ZUP1: variants seen among roughly 807,000 people sequenced by gnomAD.
ZUP1 encodes the protein zinc finger containing ubiquitin peptidase 1, also known as zinc finger-containing ubiquitin peptidase 1.
Under a neutral mutation model 68.1 loss-of-function variants are expected in ZUP1, and 55 were observed. That is an observed-to-expected ratio of 0.81 (90% CI 0.65 to 1.01). ZUP1 has a LOEUF of 1.01. Among genes scored for constraint, ZUP1 ranks in the 50% least tolerant of loss-of-function variants. The pLI is 0.00. For missense variants in ZUP1, 684 were observed against 674.9 expected (o/e 1.01, Z -0.15); for synonymous variants, 223 against 221.5 (o/e 1.01, Z -0.06).
chr6:116,641,086 CAAA>C (rs555918205), intron 9 of ZUP1, among the ~76,000 whole-genome samples: 4,512 of 148,922 alleles, frequency 0.03, 196 homozygotes, highest in African/African-American at 0.099. Flanking sequence ...TCAAAAGAGA[CAAA>C]GGAGGCCATT....
rs1487773072 is a variant in ZUP1, at chr6:116,666,860, A to G, written c.333T>C (p.Ser111=). The part of the protein sequence containing the change: ...KNSAQNLTKD[S]TLKHEGFYSE... ...AATAGAAGCCTTCATGTTTTAAAGT[A>G]CTATCTTTAGTCAGGTTTTGAGCTG... The change falls in exon 2 of 10, where the codon AGT becomes AGC. Residue 111 remains serine (S), a synonymous_variant. Coordinates refer to ENST00000368576, the MANE Select transcript of ZUP1 (RefSeq NM_145062.3). 3.1e-6 allele frequency: 5 copies of G among 1,610,050 alleles called. No homozygotes were observed. Among genetic ancestry groups the G allele is most frequent in the Non-Finnish European group, 4.2e-6 (5 of 1,178,914 alleles).
At position 116,660,861 on chromosome 6, in the gene ZUP1, TAATTA is replaced by T; in HGVS notation, c.560-20_560-16del. 1 of 1,356,244 alleles carries T rather than the reference TAATTA, an allele frequency of 7.4e-7. No homozygotes were observed. The highest frequency in any genetic ancestry group is 1.9e-4 in the Middle Eastern group (1 of 5,400). 84.0% of individuals were successfully genotyped at this position (1,356,244 alleles called of 1,614,324 possible). On this transcript the variant is annotated splice_polypyrimidine_tract_variant and intron_variant, in intron 2 of 9. Transcript: ENST00000368576. ...TTGATCACAGTCTGTATCAGAGATATAATTAAGTTGTTTTTATTTTTTTATTTTAA... is the reference window on the plus strand; with the variant it reads ...TTGATCACAGTCTGTATCAGAGATATAGTTGTTTTTATTTTTTTATTTTAA...
chr6:116,642,163 A>G (rs555107547), intron 9 of ZUP1, among the ~76,000 whole-genome samples: 40 of 152,226 alleles, frequency 2.6e-4, no homozygotes, highest in Middle Eastern at 3.4e-3. Flanking sequence ...GAATAGACCA[A>G]TAACAGGATC....
At position 116,640,397 on chromosome 6, in the gene ZUP1, A is replaced by T. The variant is rs189865680; in HGVS notation, c.1690-4518T>A. Among the ~76,000 whole-genome samples the T allele has an allele frequency of 6.9e-3, 1,056 of 152,306 alleles. 16 individuals are homozygous for T. Among genetic ancestry groups the T allele is most frequent in the African/African-American group, 0.022 (929 of 41,568 alleles). On this transcript the variant is annotated intron_variant, in intron 9 of 9. Coordinates refer to ENST00000368576, the MANE Select transcript of ZUP1 (RefSeq NM_145062.3). ...AAGACACATAATTGTCAGATTTACCAAAGCTGAAATGAAGGAAAAAATGTT... is the reference window on the plus strand; with the variant it reads ...AAGACACATAATTGTCAGATTTACCTAAGCTGAAATGAAGGAAAAAATGTT...
intron 9 of ZUP1, among the ~76,000 whole-genome samples, chr6:116,640,364 G>A (rs1383164359): frequency 6.6e-6 from 1 of 152,092 alleles, no homozygotes; most frequent in Non-Finnish European, 1.5e-5. Context: ...CTCGAGAAGA[G>A]CAACTCCAAG....
At chr6:116,656,399 T>C (rs967120683) in intron 5 of ZUP1, among the ~76,000 whole-genome samples, 2 of 152,206 alleles carry the variant, frequency 1.3e-5, no homozygotes, top group African/African-American at 2.4e-5. Flanking sequence ...TTCACTTTTG[T>C]TAATGTGGAG....
chr6:116,653,721 T>C (rs1265045154), intron 5 of ZUP1, among the ~76,000 whole-genome samples: 2 of 151,948 alleles, frequency 1.3e-5, no homozygotes, highest in African/African-American at 4.8e-5. Context: ...TAGACTTTGA[T>C]GAAGAGATCA....
Position 116,647,480 on chromosome 6 carries a change from G to T in ZUP1, c.1447C>A (p.Pro483Thr). 1 of 1,570,910 alleles carries T rather than the reference G, an allele frequency of 6.4e-7. No individual in the cohort carries two copies. Reference protein sequence around the residue: ...SPKVVCTSKPPIYLQHQGHSR... With the variant: ...SPKVVCTSKPTIYLQHQGHSR... The stretch of plus-strand genomic sequence containing the variant: ...TAACCTTGATGCTGAAGATAGATAG[G>T]AGGTTTAGATGTACACACTACCTTT... The change falls in exon 8 of 10, where the codon CCT (proline) becomes ACT (threonine). Residue 483 changes from proline (P) to threonine (T), a missense_variant. Physicochemically the swap from Pro to Thr is conservative, Grantham distance 38 (BLOSUM62 -1). Coordinates refer to ENST00000368576, the MANE Select transcript of ZUP1 (RefSeq NM_145062.3).
At chr6:116,660,497 A>T (rs1442565486) in intron 3 of ZUP1, 3 of 393,656 alleles carry the variant, frequency 7.6e-6, no homozygotes, top group African/African-American at 6.2e-5. Flanking sequence ...GTTCACATTC[A>T]TTTGTAAAAT....
At chr6:116,639,068 C>T (rs551194647) in intron 9 of ZUP1, among the ~76,000 whole-genome samples, 2 of 152,210 alleles carry the variant, frequency 1.3e-5, no homozygotes, top group African/African-American at 2.4e-5. Context: ...CCTACGCCCA[C>T]GGAGTCTCCC....
intron 5 of ZUP1, among the ~76,000 whole-genome samples, chr6:116,652,963 G>C (rs781735837): frequency 2.0e-5 from 3 of 151,802 alleles, no homozygotes; most frequent in Non-Finnish European, 2.9e-5. Flanking sequence ...ACATAATTTG[G>C]CCCATAGAGT....
chr6:116,642,697 A>G (rs1429640268), intron 9 of ZUP1, among the ~76,000 whole-genome samples: 1 of 152,186 alleles, frequency 6.6e-6, no homozygotes, highest in Non-Finnish European at 1.5e-5. Flanking sequence ...CAAAATAATA[A>G]GAGCTATCTA....
rs199593243 is a variant in ZUP1, at chr6:116,666,970, T to C, written c.223A>G (p.Asn75Asp). 10 of 1,613,662 alleles carry C rather than the reference T, an allele frequency of 6.2e-6. No homozygotes were observed. The South Asian group carries it at 6.6e-5, about 11-fold the overall frequency. The change falls in exon 2 of 10, where the codon AAC (asparagine) becomes GAC (aspartate). Residue 75 changes from asparagine (N) to aspartate (D), a missense_variant. Coordinates refer to ENST00000368576, the MANE Select transcript of ZUP1 (RefSeq NM_145062.3). ...INTVQYGTSD[N>D]KKDNTLQCGM... ...CACTGTAGGGTGTTGTCTTTCTTGT[T>C]ATCTGAAGTTCCATATTGTACTGTA...
At chr6:116,652,322 C>T in intron 5 of ZUP1, 130 bp from the exon 6 acceptor site, 1 of 703,142 alleles carries the variant, frequency 1.4e-6, no homozygotes, top group South Asian at 2.1e-5. Flanking sequence ...TCACCTTCTT[C>T]TTGCTATAAC....
chr6:116,656,566 T>G, intron 5 of ZUP1, 118 bp downstream of exon 5: 1 of 796,028 alleles, frequency 1.3e-6, no homozygotes, highest in Non-Finnish European at 1.9e-6. Flanking sequence ...AACAATACAT[T>G]TTTAAAAAAA....
chr6:116,644,346 C>T (rs1776219354), intron 9 of ZUP1, among the ~76,000 whole-genome samples: 1 of 152,116 alleles, frequency 6.6e-6, no homozygotes, highest in South Asian at 2.1e-4. Flanking sequence ...TGGGTATATA[C>T]CCAAAGGACT....
chr6:116,641,476 T>C (rs1183568975), intron 9 of ZUP1, among the ~76,000 whole-genome samples: 6 of 151,618 alleles, frequency 4.0e-5, no homozygotes, highest in African/African-American at 1.5e-4. Context: ...GAACAGAAAT[T>C]ATAACAAACT....
At position 116,652,024 on chromosome 6, in the gene ZUP1, G is replaced by C; in HGVS notation, c.1130C>G (p.Ala377Gly). ...MLLSSLLQND[A>G]YNDCLKGMLI... ...CATACCTTTTAAGCAATCGTTGTAA[G>C]CATCATTTTGTAATAATGATGAAAG... is the stretch of plus-strand genomic sequence containing the variant. The change falls in exon 6 of 10, where the codon GCT becomes GGT. Residue 377 changes from alanine to glycine, a missense_variant. Coordinates refer to ENST00000368576, the MANE Select transcript of ZUP1 (RefSeq NM_145062.3). 1 of 1,613,836 alleles carries C rather than the reference G, an allele frequency of 6.2e-7. No individual in the cohort carries two copies. The highest frequency in any genetic ancestry group is 8.5e-7 in the Non-Finnish European group (1 of 1,179,824).
At chr6:116,665,956 A>G (rs1212115414) in intron 2 of ZUP1, among the ~76,000 whole-genome samples, 6 of 152,016 alleles carry the variant, frequency 3.9e-5, no homozygotes, top group African/African-American at 1.4e-4. Flanking sequence ...CACACCAACA[A>G]TAGAGTCTCA....
Sources: gnomAD v4.1 joint callset for allele counts (sites outside exome capture counted in the v4.1 genomes callset) on GRCh38, gnomAD v4.1.1 for gene constraint, MANE v1.5 for transcripts, NCBI Gene and HGNC (gene_info 2026-07-23, HGNC 2026-07-21) for gene names.